PCDH11X: variants seen among roughly 807,000 people sequenced by gnomAD.
PCDH11X encodes protocadherin-11 X-linked.
A neutral mutation model predicts 53.3 loss-of-function variants in PCDH11X; 18 were observed. The observed-to-expected ratio is 0.34, with a 90% CI of 0.23 to 0.50. The LOEUF (loss-of-function observed/expected upper bound fraction) is 0.50, where lower values mean the gene tolerates loss of function less well. PCDH11X is among the 20% of genes least tolerant of loss of function. The pLI is 0.98. For missense variants in PCDH11X, 570 were observed against 1,032.4 expected, an observed-to-expected ratio of 0.55 and a Z score of 6.14; for synonymous variants, 279 against 393.3, an observed-to-expected ratio of 0.71 and a Z score of 3.44.
intron 6 of PCDH11X, among the ~76,000 whole-genome samples, chrX:92,135,994 G>A (rs758789809): frequency 7.2e-5 from 8 of 111,496 alleles, no homozygotes; most frequent in African/African-American, 2.6e-4. Context: ...TGGAGAGAGT[G>A]ATAGATTGCT....
At chrX:92,126,678 T>C (rs1191938722) in intron 6 of PCDH11X, among the ~76,000 whole-genome samples, 1 of 104,977 alleles carries the variant, frequency 9.5e-6, no homozygotes, top group Non-Finnish European at 1.9e-5. Flanking sequence ...TGATTTTAAA[T>C]AAATTTTTTA....
intron 7 of PCDH11X, among the ~76,000 whole-genome samples, chrX:92,259,929 C>G (rs73245239): frequency 0.029 from 3,179 of 111,372 alleles, 34 homozygotes; most frequent in Non-Finnish European, 0.045. Flanking sequence ...ACAGCTGTGA[C>G]AGTTGCCGTG....
chrX:92,301,808 C>T (rs1053033881), intron 8 of PCDH11X, among the ~76,000 whole-genome samples: 23 of 110,072 alleles, frequency 2.1e-4, no homozygotes, highest in Non-Finnish European at 4.0e-4. Flanking sequence ...TATTCCCTGA[C>T]TCTTCTATTT....
At chrX:92,151,887 T>C (rs1030479697) in intron 6 of PCDH11X, among the ~76,000 whole-genome samples, 4 of 106,999 alleles carry the variant, frequency 3.7e-5, no homozygotes, top group Non-Finnish European at 7.7e-5. Flanking sequence ...ATTTTAAACA[T>C]TGTAGATCTA....
rs1317734636 is a variant in PCDH11X at position 92,622,491 on chromosome X, A to G, written c.*3551A>G. ...AATCTACTTGTTTAGGCTTTTATTT[A>G]TACTCTTCTGATTTATATTTTTTAT... is the stretch of plus-strand genomic sequence containing the variant. On this transcript the variant is annotated 3_prime_UTR_variant, in exon 11 of 11. Transcript: ENST00000682573. The G allele has an allele frequency of 1.4e-4, 15 of 110,739 alleles. No homozygotes were observed. The East Asian group carries it at 3.6e-3, about 27-fold the overall frequency. 9.1% of individuals were successfully genotyped at this position (110,739 alleles called of 1,213,427 possible). A position where few individuals can be genotyped will look rare whatever the true frequency, so the allele number is the denominator to read the frequency against.
intron 6 of PCDH11X, among the ~76,000 whole-genome samples, chrX:92,151,130 G>A (rs1413771494): frequency 1.8e-5 from 2 of 108,543 alleles, no homozygotes; most frequent in Non-Finnish European, 3.8e-5. Flanking sequence ...TTCTTTTTCA[G>A]TTTGAGGAAT....
rs764106499 is a variant in PCDH11X at position 91,942,875 on chromosome X, T to G, written c.3033+63602T>G. ...CATCATTTGCAAGTGATGTTTATTC[T>G]AGGATGCAAGGATGGTTTAGCTCTT... is the stretch of plus-strand genomic sequence containing the variant. On this transcript the variant is annotated intron_variant, in intron 6 of 10. Coordinates refer to ENST00000682573, the MANE Select transcript of PCDH11X (RefSeq NM_032968.5). Among the ~76,000 whole-genome samples the G allele has an allele frequency of 1.0e-4, 11 of 110,018 alleles. No individual in the cohort carries two copies. The East Asian group carries it at 3.2e-3, about 32-fold the overall frequency.
intron 6 of PCDH11X, among the ~76,000 whole-genome samples, chrX:92,005,315 G>T (rs2062580787): frequency 9.1e-6 from 1 of 110,346 alleles, no homozygotes; most frequent in African/African-American, 3.3e-5. Context: ...TATTTTCTCT[G>T]GTGATATGAT....
At chrX:92,429,413 T>C (rs1245289231) in intron 9 of PCDH11X, among the ~76,000 whole-genome samples, 1 of 109,967 alleles carries the variant, frequency 9.1e-6, no homozygotes. Context: ...ATTTTGTTGT[T>C]GGTTACTAGT....
At chrX:92,257,424 ACAGTCCCC>A (rs1233576686) in intron 7 of PCDH11X, among the ~76,000 whole-genome samples, 3 of 111,458 alleles carry the variant, frequency 2.7e-5, no homozygotes, top group Admixed American at 9.5e-5. Flanking sequence ...ATGCTTCCCA[ACAGTCCCC>A]CAGTGTCTTA....
At chrX:92,156,551 C>T (rs1178641408) in intron 6 of PCDH11X, among the ~76,000 whole-genome samples, 9 of 111,645 alleles carry the variant, frequency 8.1e-5, no homozygotes, top group Non-Finnish European at 1.5e-4. Flanking sequence ...TAATTTCTAA[C>T]GTATGCATTT....
chrX:92,056,926 A>C (rs2148056523), intron 6 of PCDH11X, among the ~76,000 whole-genome samples: 1 of 108,652 alleles, frequency 9.2e-6, no homozygotes, highest in Non-Finnish European at 1.9e-5. Flanking sequence ...ATGTGCATTT[A>C]TATTATTATA....
intron 8 of PCDH11X, among the ~76,000 whole-genome samples, chrX:92,315,716 T>C (rs2069059618): frequency 1.9e-5 from 2 of 106,703 alleles, no homozygotes; most frequent in African/African-American, 6.8e-5. Flanking sequence ...CTGTATTTTA[T>C]GTAGAGATGG....
intron 10 of PCDH11X, among the ~76,000 whole-genome samples, chrX:92,565,989 A>G (rs1170267438): frequency 2.7e-5 from 3 of 110,065 alleles, no homozygotes; most frequent in Non-Finnish European, 5.7e-5. Flanking sequence ...GTGGATATAA[A>G]TTTTAGATAT....
At chrX:91,974,206 T>C (rs2062015205) in intron 6 of PCDH11X, among the ~76,000 whole-genome samples, 1 of 111,175 alleles carries the variant, frequency 9.0e-6, no homozygotes. Flanking sequence ...CCATTATCTA[T>C]ACATGATTTA....
At chrX:92,094,133 ATGTGTGTGTGTGTGTGTGTGTG>A (rs58997781) in intron 6 of PCDH11X, among the ~76,000 whole-genome samples, 4 of 94,232 alleles carry the variant, frequency 4.2e-5, no homozygotes, top group African/African-American at 7.8e-5. Context: ...AAAAAGTAAT[ATGTGTGTGTGTGTGTGTGTGTG>A]TGTGTGTGTG....
chrX:92,477,522 C>A (rs1211496299), intron 10 of PCDH11X, among the ~76,000 whole-genome samples: 1 of 46,187 alleles, frequency 2.2e-5, no homozygotes, highest in African/African-American at 1.0e-4. Flanking sequence ...TCACCCAGGG[C>A]AGGTCCAGAA....
intron 4 of PCDH11X, among the ~76,000 whole-genome samples, chrX:91,823,158 G>T (rs1936762639): frequency 9.1e-6 from 1 of 110,402 alleles, no homozygotes; most frequent in African/African-American, 3.3e-5. Context: ...CTGTTGATTT[G>T]GAGTGGAGAG....
intron 6 of PCDH11X, chrX:91,983,488 C>T (rs2062177187): frequency 3.8e-6 from 2 of 533,138 alleles, no homozygotes; most frequent in Admixed American, 2.5e-5. Context: ...GATTGGCATA[C>T]ATGGGTGGCA....
Sources: gnomAD v4.1 joint callset for allele counts (sites outside exome capture counted in the v4.1 genomes callset) on GRCh38, gnomAD v4.1.1 for gene constraint, MANE v1.5 for transcripts, NCBI Gene and HGNC (gene_info 2026-07-23, HGNC 2026-07-21) for gene names.